MNAT1: variants seen among roughly 807,000 people sequenced by gnomAD.
MNAT1 encodes the protein MNAT1 component of CDK activating kinase, also known as CDK-activating kinase assembly factor MAT1.
A neutral mutation model predicts 42.0 loss-of-function variants in MNAT1; 43 were observed. The observed-to-expected ratio is 1.02, with a 90% CI of 0.80 to 1.32. MNAT1 has a LOEUF of 1.32. Among genes scored for constraint, MNAT1 ranks in the 40% most tolerant of loss-of-function variants. The probability of loss-of-function intolerance (pLI) is 0.00; values close to 1 mark genes in which losing one functional copy is unlikely to be tolerated. For missense variants in MNAT1, 306 were observed against 350.4 expected (o/e 0.87, Z 1.01); for synonymous variants, 118 against 120.0 (o/e 0.98, Z 0.11).
At chr14:60,819,178 A>G (rs1160580214) in intron 6 of MNAT1, among the ~76,000 whole-genome samples, 2 of 152,072 alleles carry the variant, frequency 1.3e-5, no homozygotes, top group African/African-American at 2.4e-5. Flanking sequence ...GGGAAAGCAA[A>G]TGTATCAATT....
intron 6 of MNAT1, among the ~76,000 whole-genome samples, chr14:60,850,203 G>T (rs770810093): frequency 6.6e-6 from 1 of 152,078 alleles, no homozygotes; most frequent in African/African-American, 2.4e-5. Context: ...TTTTATTTCT[G>T]TATTATTGAT....
At position 60,920,031 on chromosome 14, in the gene MNAT1, C is replaced by A. The variant is rs1263813622; in HGVS notation, c.809+40196C>A. Reference sequence around the variant, plus strand: ...GTATCCTAGTACTGTGAGCACTGGTCGGGGGCAGCTGCTCCACCTGCAGTG... The same window carrying A: ...GTATCCTAGTACTGTGAGCACTGGTAGGGGGCAGCTGCTCCACCTGCAGTG... On this transcript the variant is annotated intron_variant, in intron 7 of 7. Coordinates refer to ENST00000261245, the MANE Select transcript of MNAT1 (RefSeq NM_002431.4). The A allele has an allele frequency of 3.3e-5, 5 of 153,412 alleles. No homozygotes were observed. In the South Asian group the frequency reaches 9.2e-4, roughly 28 times the overall value. The allele number at this position is 153,412 out of a possible 1,614,324, so 9.5% of individuals were successfully genotyped here.
chr14:60,946,475 T>A (rs1235232446), intron 7 of MNAT1, among the ~76,000 whole-genome samples: 2 of 152,200 alleles, frequency 1.3e-5, no homozygotes, highest in African/African-American at 4.8e-5. Flanking sequence ...TCTCTTATTC[T>A]TCAAACTGTA....
chr14:60,796,630 ATG>A (rs964685025), intron 2 of MNAT1, among the ~76,000 whole-genome samples: 22 of 152,218 alleles, frequency 1.4e-4, no homozygotes, highest in Admixed American at 1.0e-3. Flanking sequence ...AGTACCTACT[ATG>A]TGTAAACACT....
At chr14:60,759,836 A>G (rs936240656) in intron 1 of MNAT1, among the ~76,000 whole-genome samples, 1 of 152,224 alleles carries the variant, frequency 6.6e-6, no homozygotes, top group South Asian at 2.1e-4. Flanking sequence ...TGTTAATAAA[A>G]TCATATCTAG....
At chr14:60,833,270 A>G (rs896646311) in intron 6 of MNAT1, among the ~76,000 whole-genome samples, 1 of 152,164 alleles carries the variant, frequency 6.6e-6, no homozygotes, top group Non-Finnish European at 1.5e-5. Flanking sequence ...TTCAAAGGGA[A>G]TTCTTCCAGC....
At chr14:60,961,965 A>G (rs942095682) in intron 7 of MNAT1, among the ~76,000 whole-genome samples, 3 of 152,206 alleles carry the variant, frequency 2.0e-5, no homozygotes, top group African/African-American at 4.8e-5. Flanking sequence ...TTCAGAAGCT[A>G]GTACATTTAT....
chr14:60,836,127 C>A (rs932277400), intron 6 of MNAT1, among the ~76,000 whole-genome samples: 1 of 152,132 alleles, frequency 6.6e-6, no homozygotes, highest in African/African-American at 2.4e-5. Flanking sequence ...TTCTGGTTAG[C>A]AATTCCTCTA....
chr14:60,752,020 T>A (rs955110300), intron 1 of MNAT1, among the ~76,000 whole-genome samples: 4 of 152,234 alleles, frequency 2.6e-5, no homozygotes, highest in African/African-American at 9.6e-5. Flanking sequence ...ATAAATATCT[T>A]GAAATTTACC....
At chr14:60,804,372 TG>T (rs2032301731) in intron 3 of MNAT1, among the ~76,000 whole-genome samples, 1 of 152,236 alleles carries the variant, frequency 6.6e-6, no homozygotes, top group Non-Finnish European at 1.5e-5. Context: ...TTCGCTTTTA[TG>T]GTTCTTTTCT....
At chr14:60,839,042 C>G (rs931912763) in intron 6 of MNAT1, among the ~76,000 whole-genome samples, 1 of 152,054 alleles carries the variant, frequency 6.6e-6, no homozygotes, top group East Asian at 1.9e-4. Flanking sequence ...AGTGGGTACC[C>G]TGGACAACAT....
intron 1 of MNAT1, among the ~76,000 whole-genome samples, chr14:60,778,581 T>G (rs897653910): frequency 6.6e-6 from 1 of 152,210 alleles, no homozygotes; most frequent in Non-Finnish European, 1.5e-5. Flanking sequence ...TACAGAGTGT[T>G]TGATCCACTA....
chr14:60,735,538 G>A (rs2140278970), intron 1 of MNAT1, among the ~76,000 whole-genome samples: 1 of 152,294 alleles, frequency 6.6e-6, no homozygotes, highest in South Asian at 2.1e-4. Flanking sequence ...GCCAGACAGT[G>A]TTCTAAGCGC....
intron 6 of MNAT1, among the ~76,000 whole-genome samples, chr14:60,837,949 GA>G: frequency 6.6e-6 from 1 of 152,308 alleles, no homozygotes; most frequent in South Asian, 2.1e-4. Flanking sequence ...ATGAACACAT[GA>G]AAGACCTGTA....
At chr14:60,872,863 CACACACAT>C (rs923024307) in intron 6 of MNAT1, among the ~76,000 whole-genome samples, 20 of 147,266 alleles carry the variant, frequency 1.4e-4, no homozygotes, top group Non-Finnish European at 2.2e-4. Flanking sequence ...CACACACACA[CACACACAT>C]ATATATATGC....
Position 60,969,224 on chromosome 14 carries a change from A to C in MNAT1, c.*875A>C, listed in dbSNP as rs1471634505. 1 of 152,174 alleles carries C rather than the reference A, an allele frequency of 6.6e-6. No homozygotes were observed. Among genetic ancestry groups the C allele is most frequent in the Non-Finnish European group, 1.5e-5 (1 of 68,054 alleles). The allele number at this position is 152,174 out of a possible 1,614,324, so 9.4% of individuals were successfully genotyped here. On this transcript the variant is annotated 3_prime_UTR_variant, in exon 8 of 8. Transcript: ENST00000261245. ...TTTATTACCAGGGTTTTGCTTAAAGAGTTTAGATATGAATAGGATGATATT... is the reference window on the plus strand; with the variant it reads ...TTTATTACCAGGGTTTTGCTTAAAGCGTTTAGATATGAATAGGATGATATT...
intron 5 of MNAT1, among the ~76,000 whole-genome samples, 199 bp from the exon 6 acceptor site, chr14:60,818,523 C>T (rs965931818): frequency 6.6e-6 from 1 of 151,844 alleles, no homozygotes; most frequent in African/African-American, 2.4e-5. Context: ...TACTTGTTTG[C>T]AGGTTATTTT....
chr14:60,881,849 C>A (rs1270356059), intron 7 of MNAT1, among the ~76,000 whole-genome samples: 1 of 151,948 alleles, frequency 6.6e-6, no homozygotes, highest in African/African-American at 2.4e-5. Context: ...ACTATAGTCA[C>A]CCTGTTGTTC....
intron 1 of MNAT1, among the ~76,000 whole-genome samples, chr14:60,782,410 T>G (rs961478718): frequency 5.3e-5 from 8 of 152,182 alleles, no homozygotes; most frequent in Non-Finnish European, 1.2e-4. Flanking sequence ...TATTGATACC[T>G]TTATTTTTTT....
Sources: gnomAD v4.1 joint callset for allele counts (sites outside exome capture counted in the v4.1 genomes callset) on GRCh38, gnomAD v4.1.1 for gene constraint, MANE v1.5 for transcripts, NCBI Gene and HGNC (gene_info 2026-07-23, HGNC 2026-07-21) for gene names.